PRUNE2: variants seen among roughly 807,000 people sequenced by gnomAD.
PRUNE2 encodes the protein protein prune homolog 2.
A neutral mutation model predicts 252.0 loss-of-function variants in PRUNE2; 164 were observed. The ratio of observed to expected loss-of-function variants is 0.65; its 90% CI spans 0.57 to 0.74. PRUNE2 has a LOEUF of 0.74. Ranked by LOEUF, PRUNE2 falls within the 30% of genes least tolerant of loss-of-function variation. The pLI is 0.00. For synonymous variants in PRUNE2, 1,292 were observed against 1,350.2 expected (o/e 0.96, Z 0.94); for missense variants, 3,495 against 3,711.0 (o/e 0.94, Z 1.51).
intron 15 of PRUNE2, among the ~76,000 whole-genome samples, chr9:76,630,668 G>A (rs1162149899): frequency 6.6e-6 from 1 of 152,174 alleles, no homozygotes; most frequent in East Asian, 1.9e-4. Flanking sequence ...GGGACTACAG[G>A]TGCCTGCCAC....
intron 6 of PRUNE2, among the ~76,000 whole-genome samples, chr9:76,764,937 GCTGA>G (rs1271275647): frequency 1.3e-5 from 2 of 152,178 alleles, no homozygotes; most frequent in Admixed American, 1.3e-4. Context: ...GTTTAATGTT[GCTGA>G]CTAACTATAC....
intron 6 of PRUNE2, among the ~76,000 whole-genome samples, chr9:76,810,765 T>G (rs2057304845): frequency 6.6e-6 from 1 of 152,224 alleles, no homozygotes; most frequent in Admixed American, 6.5e-5. Context: ...AAAAAAGTCT[T>G]TGTTACTTAG....
At chr9:76,731,310 C>CTA (rs1194576016) in intron 6 of PRUNE2, among the ~76,000 whole-genome samples, 463 of 36,610 alleles carry the variant, frequency 0.013, 3 homozygotes, top group African/African-American at 0.029. Flanking sequence ...ATCTATCTAT[C>CTA]TATATATATA....
intron 12 of PRUNE2, 68 bp downstream of exon 12, chr9:76,644,671 C>T: frequency 6.8e-7 from 1 of 1,470,646 alleles, no homozygotes; most frequent in South Asian, 1.1e-5. Flanking sequence ...AGTCTAGACT[C>T]ACTTCATGAT....
intron 1 of PRUNE2, among the ~76,000 whole-genome samples, chr9:76,877,068 T>C (rs1006012908): frequency 3.9e-5 from 6 of 152,140 alleles, no homozygotes; most frequent in Admixed American, 3.9e-4. Flanking sequence ...ATCTCTAAAA[T>C]AATGAGACTG....
chr9:76,669,525 G>A (rs1467318243), intron 9 of PRUNE2, among the ~76,000 whole-genome samples: 1 of 152,184 alleles, frequency 6.6e-6, no homozygotes, highest in African/African-American at 2.4e-5. Context: ...TCACCATGTT[G>A]CCCAGGCTAG....
At chr9:76,678,375 A>G (rs1338596035) in intron 9 of PRUNE2, among the ~76,000 whole-genome samples, 1 of 139,676 alleles carries the variant, frequency 7.2e-6, no homozygotes, top group African/African-American at 2.6e-5. Context: ...AAAAAAAAAA[A>G]AGGAAGGAGA....
chr9:76,625,299 G>A (rs999337203), intron 16 of PRUNE2, among the ~76,000 whole-genome samples: 3 of 152,128 alleles, frequency 2.0e-5, no homozygotes, highest in African/African-American at 7.2e-5. Flanking sequence ...ACTTACCATG[G>A]TGTTATAGCT....
chr9:76,743,545 C>A (rs981352100), intron 6 of PRUNE2, among the ~76,000 whole-genome samples: 1 of 151,870 alleles, frequency 6.6e-6, no homozygotes, highest in Admixed American at 6.6e-5. Context: ...TATTAAATGA[C>A]CGTCCCTCTT....
At chr9:76,886,239 G>A (rs539038947) in intron 1 of PRUNE2, among the ~76,000 whole-genome samples, 8 of 151,364 alleles carry the variant, frequency 5.3e-5, no homozygotes, top group Non-Finnish European at 7.4e-5. Flanking sequence ...TGATCATGAT[G>A]AATAAATATT....
chr9:76,883,470 G>A (rs969300721), intron 1 of PRUNE2, among the ~76,000 whole-genome samples: 2 of 152,152 alleles, frequency 1.3e-5, no homozygotes, highest in African/African-American at 4.8e-5. Flanking sequence ...GCAGAGCTTT[G>A]GGATAACAGA....
chr9:76,629,291 C>CA lies in PRUNE2; in HGVS notation c.9051-2_9051-1insT. 6.7e-6 allele frequency: 9 copies of CA among 1,347,288 alleles called. No individual in the cohort carries two copies. The highest frequency in any genetic ancestry group is 2.3e-5 in the Admixed American group (1 of 43,152). 83.5% of individuals were successfully genotyped at this position (1,347,288 alleles called of 1,614,324 possible). ...TTTAATTTTACTGCTGAATTTTGAA[C>CA]TAAAAAAAAAAAAAAGAAAAAAATA... On this transcript the variant is annotated splice_acceptor_variant, in intron 15 of 18. Transcript: ENST00000376718. LOFTEE classifies it high-confidence loss of function.
intron 3 of PRUNE2, among the ~76,000 whole-genome samples, chr9:76,849,192 T>C (rs1725672335): frequency 6.6e-6 from 1 of 152,234 alleles, no homozygotes; most frequent in Non-Finnish European, 1.5e-5. Context: ...ATTACAGGCA[T>C]GAGCCACCAT....
At chr9:76,872,441 C>T (rs934219775) in intron 1 of PRUNE2, among the ~76,000 whole-genome samples, 1 of 152,044 alleles carries the variant, frequency 6.6e-6, no homozygotes, top group Non-Finnish European at 1.5e-5. Context: ...CATTAATTGC[C>T]CTAAGTGTTG....
Position 76,868,702 on chromosome 9 carries a change from A to G in PRUNE2, c.37-14494T>C, listed in dbSNP as rs1325744637. Among the ~76,000 whole-genome samples, 3 of 152,148 alleles carry G rather than the reference A, an allele frequency of 2.0e-5. No individual in the cohort carries two copies. In the East Asian group the frequency reaches 5.8e-4, roughly 29 times the overall value. ...TTACGACTTCTCAAATTTGCCCTGA[A>G]GACTAGTATCTTAATAATTAAGCAG... On this transcript the variant is annotated intron_variant, in intron 1 of 18. Coordinates refer to ENST00000376718, the MANE Select transcript of PRUNE2 (RefSeq NM_015225.3).
chr9:76,891,364 C>T (rs903576748), intron 1 of PRUNE2, among the ~76,000 whole-genome samples: 1 of 152,202 alleles, frequency 6.6e-6, no homozygotes, highest in Non-Finnish European at 1.5e-5. Flanking sequence ...ATCCAGTCAC[C>T]TGTTGTCCCA....
chr9:76,706,190 T>C lies in PRUNE2; in HGVS notation c.6084A>G (p.Ile2028Met), dbSNP rs1181628287. 4 of 1,613,902 alleles carry C rather than the reference T, an allele frequency of 2.5e-6. No individual in the cohort carries two copies. Among genetic ancestry groups the C allele is most frequent in the Non-Finnish European group, 3.4e-6 (4 of 1,179,898 alleles). ...CATCCCATTCAGAGCCTGGCTTCATTATCAGTTGGGTGGGAGAACTGACAG... is the reference window on the plus strand; with the variant it reads ...CATCCCATTCAGAGCCTGGCTTCATCATCAGTTGGGTGGGAGAACTGACAG... ...FPAVSSPTQL[I>M]MKPGSEWDGS... The change falls in exon 8 of 19, where the codon ATA becomes ATG. Residue 2028 changes from isoleucine to methionine, a missense_variant. Transcript: ENST00000376718.
At chr9:76,628,372 C>T (rs958521842) in intron 16 of PRUNE2, among the ~76,000 whole-genome samples, 1 of 152,186 alleles carries the variant, frequency 6.6e-6, no homozygotes, top group African/African-American at 2.4e-5. Flanking sequence ...CCATTCCTCA[C>T]CACCTCACCC....
chr9:76,840,981 CAA>C (rs1292037313), intron 4 of PRUNE2, among the ~76,000 whole-genome samples: 11 of 127,398 alleles, frequency 8.6e-5, no homozygotes, highest in Non-Finnish European at 1.0e-4. Context: ...GACTTCCTCT[CAA>C]AAAAAAAAAA....
Sources: allele counts gnomAD v4.1 joint callset (sites outside exome capture counted in the v4.1 genomes callset), GRCh38; gene constraint gnomAD v4.1.1; transcripts MANE v1.5; gene names NCBI Gene and HGNC (gene_info 2026-07-23, HGNC 2026-07-21).